The following ME2 variants were observed in gnomAD, a reference collection of about 807,000 sequenced individuals.
The protein encoded by ME2 is malic enzyme 2.
Under a neutral mutation model 73.7 loss-of-function variants are expected in ME2, and 60 were observed. The observed-to-expected ratio is 0.81, with a 90% CI of 0.66 to 1.01. The LOEUF is 1.01. Among genes scored for constraint, ME2 ranks in the 50% least tolerant of loss-of-function variants. The pLI, the probability that ME2 is intolerant of heterozygous loss-of-function variation, is 0.00. For missense variants in ME2, 594 were observed against 705.5 expected, an observed-to-expected ratio of 0.84 and a Z score of 1.79; for synonymous variants, 199 against 236.9, an observed-to-expected ratio of 0.84 and a Z score of 1.47.
At chr18:50,884,171 A>G (rs1464578556) in intron 1 of ME2, among the ~76,000 whole-genome samples, 1 of 152,004 alleles carries the variant, frequency 6.6e-6, no homozygotes, top group East Asian at 1.9e-4. Flanking sequence ...AATTACTTTT[A>G]TATTTTATTT....
At position 50,948,607 on chromosome 18, in the gene ME2, G is replaced by T. The variant is rs1216800905; in HGVS notation, c.*1423G>T. On this transcript the variant is annotated 3_prime_UTR_variant, in exon 16 of 16. Transcript: ENST00000321341. ...TTACCAGGCTGGAGTGCAGTGGTGT[G>T]ATCTCAGCTCACTGCAACCTCTGCC... is the stretch of plus-strand genomic sequence containing the variant. 7.2e-6 allele frequency: 1 copy of T among 138,330 alleles called. No homozygotes were observed. The highest frequency in any genetic ancestry group is 1.5e-5 in the Non-Finnish European group (1 of 65,802). 8.6% of individuals were successfully genotyped at this position (138,330 alleles called of 1,614,324 possible).
chr18:50,896,942 CTT>C (rs917271793), intron 2 of ME2, among the ~76,000 whole-genome samples: 1 of 152,204 alleles, frequency 6.6e-6, no homozygotes, highest in African/African-American at 2.4e-5. Flanking sequence ...CTGATCTTCT[CTT>C]GTTTGTGCCT....
intron 9 of ME2, 40 bp from the exon 10 acceptor site, chr18:50,921,034 G>C (rs187047094): frequency 2.1e-6 from 2 of 969,014 alleles, no homozygotes; most frequent in South Asian, 3.3e-5. Context: ...GCATTGCATC[G>C]TACTCTAGTA....
At chr18:50,903,808 T>A (rs1916946849) in intron 2 of ME2, among the ~76,000 whole-genome samples, 1 of 152,222 alleles carries the variant, frequency 6.6e-6, no homozygotes, top group African/African-American at 2.4e-5. Flanking sequence ...CCTTTTCCTT[T>A]ACCCTTTTGC....
chr18:50,952,637 T>C lies in ME2; in HGVS notation c.*5453T>C, dbSNP rs963204596. ...TTCCTCCATTCAGCACACTTTTTAA[T>C]GTTAAGACTAGGGGAAACTTGTGGG... On this transcript the variant is annotated 3_prime_UTR_variant, in exon 16 of 16. Transcript: ENST00000321341. 2 of 152,222 alleles carry C rather than the reference T, an allele frequency of 1.3e-5. No individual in the cohort carries two copies. Among genetic ancestry groups the C allele is most frequent in the African/African-American group, 4.8e-5 (2 of 41,464 alleles). The allele number at this position is 152,222 out of a possible 1,614,324, so 9.4% of individuals were successfully genotyped here.
At chr18:50,887,436 G>A (rs1916499562) in intron 1 of ME2, among the ~76,000 whole-genome samples, 1 of 152,156 alleles carries the variant, frequency 6.6e-6, no homozygotes, top group Non-Finnish European at 1.5e-5. Context: ...GCCAGGAGAC[G>A]GAAACTGAGT....
intron 2 of ME2, among the ~76,000 whole-genome samples, chr18:50,897,416 A>T (rs1289786931): frequency 6.6e-6 from 1 of 152,216 alleles, no homozygotes; most frequent in African/African-American, 2.4e-5. Context: ...TAAGTGCATT[A>T]CCATACTTCC....
At chr18:50,926,397 A>C (rs1917554471) in intron 12 of ME2, among the ~76,000 whole-genome samples, 1 of 152,136 alleles carries the variant, frequency 6.6e-6, no homozygotes, top group South Asian at 2.1e-4. Context: ...ATATCATTTT[A>C]CTGTTTTCTG....
chr18:50,906,840 CTT>C (rs1438652752), intron 2 of ME2, among the ~76,000 whole-genome samples: 3 of 152,128 alleles, frequency 2.0e-5, no homozygotes, highest in Non-Finnish European at 4.4e-5. Flanking sequence ...TGCACAGAGC[CTT>C]AAGGTTAGCC....
At chr18:50,911,454 T>C (rs769145289) in intron 3 of ME2, among the ~76,000 whole-genome samples, 1 of 152,184 alleles carries the variant, frequency 6.6e-6, no homozygotes, top group African/African-American at 2.4e-5. Flanking sequence ...TTCTAACTTA[T>C]GGTATTGTCT....
At position 50,937,369 on chromosome 18, in the gene ME2, C is replaced by T. The variant is rs149541230; in HGVS notation, c.1418-2201C>T. ...GGGAGACACCAGACATAGTTGAGGA[C>T]AGAGGTGCTAGAAAATAGGAAGTTT... On this transcript the variant is annotated intron_variant, in intron 13 of 15. Coordinates refer to ENST00000321341, the MANE Select transcript of ME2 (RefSeq NM_002396.5). Among the ~76,000 whole-genome samples the T allele has an allele frequency of 2.3e-3, 351 of 152,226 alleles. 2 individuals carry two copies. The highest frequency in any genetic ancestry group is 8.3e-3 in the African/African-American group (343 of 41,530).
chr18:50,903,076 G>C (rs1015677247), intron 2 of ME2, among the ~76,000 whole-genome samples: 4 of 152,156 alleles, frequency 2.6e-5, no homozygotes, highest in Non-Finnish European at 4.4e-5. Context: ...TATGTAAATT[G>C]GGAGGGAGGG....
chr18:50,916,317 A>T lies in ME2; in HGVS notation c.468+74A>T, dbSNP rs921704214. The T allele has an allele frequency of 4.3e-6, 5 of 1,172,014 alleles. 1 individual carries two copies. In the South Asian group the frequency reaches 5.2e-5, roughly 12 times the overall value. The allele number at this position is 1,172,014 out of a possible 1,614,324, so 72.6% of individuals were successfully genotyped here. ...AAATTACCTCTAAATCTCCAAGAAC[A>T]GTTTTTCATTGTTGCTCTCATTTAT... On this transcript the variant is annotated intron_variant, in intron 5 of 15. Transcript: ENST00000321341.
intron 14 of ME2, 31 bp downstream of exon 14, chr18:50,939,671 A>ATTCATCCTTTATAAAAT: frequency 1.4e-6 from 2 of 1,454,122 alleles, no homozygotes; most frequent in Non-Finnish European, 1.9e-6. Flanking sequence ...TTATTTTATA[A>ATTCATCCTTTATAAAAT]AGGATGAATT....
chr18:50,952,455 G>A lies in ME2; in HGVS notation c.*5271G>A, dbSNP rs1420212625. The A allele has an allele frequency of 1.3e-5, 2 of 152,072 alleles. No individual in the cohort carries two copies. The highest frequency in any genetic ancestry group is 2.9e-5 in the Non-Finnish European group (2 of 67,996). The allele number at this position is 152,072 out of a possible 1,614,324, so 9.4% of individuals were successfully genotyped here. On this transcript the variant is annotated 3_prime_UTR_variant, in exon 16 of 16. Coordinates refer to ENST00000321341, the MANE Select transcript of ME2 (RefSeq NM_002396.5). ...GCATCTCAAAGAGAAAAGTAAATATGGAAATATGTTCATAGTTCAGTTGCA... is the reference window on the plus strand; with the variant it reads ...GCATCTCAAAGAGAAAAGTAAATATAGAAATATGTTCATAGTTCAGTTGCA...
intron 2 of ME2, among the ~76,000 whole-genome samples, chr18:50,899,130 A>G (rs1051738784): frequency 3.9e-5 from 6 of 152,154 alleles, no homozygotes; most frequent in African/African-American, 1.2e-4. Context: ...TGCAAACCCT[A>G]TTGTGAACTG....
chr18:50,945,836 G>A (rs1047488689), intron 15 of ME2, among the ~76,000 whole-genome samples: 1 of 152,144 alleles, frequency 6.6e-6, no homozygotes, highest in African/African-American at 2.4e-5. Context: ...GTAGGCTGAG[G>A]CAGGCGGATC....
intron 13 of ME2, chr18:50,935,598 A>AT (rs1389024664): frequency 1.3e-5 from 2 of 150,896 alleles, no homozygotes; most frequent in East Asian, 3.9e-4. Flanking sequence ...AAAAAAAAAA[A>AT]AAAATTAGCC....
intron 13 of ME2, chr18:50,933,121 T>C (rs1917737971): frequency 6.6e-6 from 1 of 152,218 alleles, no homozygotes; most frequent in African/African-American, 2.4e-5. Flanking sequence ...AAAGCAAAAA[T>C]GGTTACAGTA....
Sources: gnomAD v4.1 joint callset for allele counts (sites outside exome capture counted in the v4.1 genomes callset) on GRCh38, gnomAD v4.1.1 for gene constraint, MANE v1.5 for transcripts, NCBI Gene and HGNC (gene_info 2026-07-23, HGNC 2026-07-21) for gene names.